EDIL3: variants seen among roughly 807,000 people sequenced by gnomAD.
The protein encoded by EDIL3 is EGF-like repeat and discoidin I-like domain-containing protein 3.
EDIL3 carries 37 observed loss-of-function variants against 67.4 expected under a neutral mutation model. The ratio of observed to expected loss-of-function variants is 0.55; its 90% CI spans 0.42 to 0.72. EDIL3 has a LOEUF of 0.72. Ranked by LOEUF, EDIL3 falls within the 30% of genes least tolerant of loss-of-function variation. The pLI is 0.00. For synonymous variants in EDIL3, 195 were observed against 196.3 expected (o/e 0.99, Z 0.05); for missense variants, 527 against 586.3 (o/e 0.90, Z 1.04).
intron 5 of EDIL3, among the ~76,000 whole-genome samples, chr5:84,133,626 CAAAATAAA>C (rs2112312392): frequency 6.6e-6 from 1 of 151,380 alleles, no homozygotes; most frequent in South Asian, 2.1e-4. Flanking sequence ...GACTCCATCT[CAAAATAAA>C]GAAATAAATA....
intron 3 of EDIL3, among the ~76,000 whole-genome samples, chr5:84,201,546 T>A (rs947157792): frequency 6.6e-6 from 1 of 152,054 alleles, no homozygotes; most frequent in Admixed American, 6.6e-5. Flanking sequence ...ACTGGGTAGT[T>A]GTCATCAATG....
intron 1 of EDIL3, among the ~76,000 whole-genome samples, chr5:84,374,959 C>T (rs1405006389): frequency 6.6e-6 from 1 of 150,528 alleles, no homozygotes. Context: ...TACCCAGTCT[C>T]GGGTATTTCT....
chr5:84,025,538 A>T (rs2112196804), intron 9 of EDIL3, among the ~76,000 whole-genome samples: 1 of 152,290 alleles, frequency 6.6e-6, no homozygotes, highest in East Asian at 1.9e-4. Flanking sequence ...ATAGTGCAAA[A>T]TAAATGTAAT....
chr5:84,171,873 T>G (rs1748817815), intron 4 of EDIL3, among the ~76,000 whole-genome samples: 1 of 152,172 alleles, frequency 6.6e-6, no homozygotes. Context: ...GGCATTGGTA[T>G]TTTTTATAAT....
chr5:84,327,318 C>G (rs2112161875), intron 1 of EDIL3, among the ~76,000 whole-genome samples: 1 of 151,766 alleles, frequency 6.6e-6, no homozygotes, highest in Non-Finnish European at 1.5e-5. Context: ...TGAAACCATT[C>G]TTTTAAAAAA....
At chr5:84,038,812 C>G (rs1213937783) in intron 9 of EDIL3, among the ~76,000 whole-genome samples, 2 of 152,160 alleles carry the variant, frequency 1.3e-5, no homozygotes, top group Non-Finnish European at 2.9e-5. Flanking sequence ...TTTAAAATAA[C>G]AGAGCCACAT....
At chr5:84,252,391 G>A (rs1168503384) in intron 2 of EDIL3, among the ~76,000 whole-genome samples, 1 of 150,534 alleles carries the variant, frequency 6.6e-6, no homozygotes, top group Non-Finnish European at 1.5e-5. Context: ...CTTCTCCGGA[G>A]GCTGAGGCAG....
intron 9 of EDIL3, among the ~76,000 whole-genome samples, chr5:83,994,994 T>C (rs1745212487): frequency 6.6e-6 from 1 of 152,178 alleles, no homozygotes; most frequent in Non-Finnish European, 1.5e-5. Flanking sequence ...ATGTGTGTAG[T>C]GTGTATAAAT....
intron 6 of EDIL3, among the ~76,000 whole-genome samples, chr5:84,101,243 A>AT (rs34638063): frequency 1.3e-5 from 2 of 152,064 alleles, no homozygotes; most frequent in Admixed American, 6.6e-5. Context: ...CTAATTATAT[A>AT]TTTTTTGTAA....
intron 9 of EDIL3, among the ~76,000 whole-genome samples, chr5:83,975,607 C>T (rs1744864841): frequency 6.6e-6 from 1 of 151,748 alleles, no homozygotes; most frequent in Admixed American, 6.6e-5. Flanking sequence ...CTCAAAGCTG[C>T]TGACATTTTA....
At chr5:83,968,503 G>A (rs1477459826) in intron 9 of EDIL3, among the ~76,000 whole-genome samples, 1 of 151,956 alleles carries the variant, frequency 6.6e-6, no homozygotes, top group Non-Finnish European at 1.5e-5. Context: ...TGTTGTATTG[G>A]TGTGTTATGG....
At chr5:84,174,798 T>C (rs1482361132) in intron 4 of EDIL3, among the ~76,000 whole-genome samples, 1 of 152,166 alleles carries the variant, frequency 6.6e-6, no homozygotes, top group Non-Finnish European at 1.5e-5. Context: ...GGAAGAACAA[T>C]CTTTGCAGAG....
At chr5:84,348,665 A>G (rs1747285210) in intron 1 of EDIL3, among the ~76,000 whole-genome samples, 1 of 151,954 alleles carries the variant, frequency 6.6e-6, no homozygotes, top group Non-Finnish European at 1.5e-5. Context: ...GGATTAAAGA[A>G]GCATACACTG....
At chr5:84,319,781 GA>G (rs1746596091) in intron 1 of EDIL3, among the ~76,000 whole-genome samples, 1 of 152,072 alleles carries the variant, frequency 6.6e-6, no homozygotes, top group Non-Finnish European at 1.5e-5. Flanking sequence ...ACTGGATAAA[GA>G]AAATGAGGTA....
At chr5:84,362,692 C>A (rs1042345649) in intron 1 of EDIL3, among the ~76,000 whole-genome samples, 3 of 151,970 alleles carry the variant, frequency 2.0e-5, no homozygotes, top group Non-Finnish European at 4.4e-5. Flanking sequence ...TCTTATTATC[C>A]CCAAATCAAT....
At chr5:84,235,339 G>T (rs1477185508) in intron 2 of EDIL3, among the ~76,000 whole-genome samples, 1 of 152,144 alleles carries the variant, frequency 6.6e-6, no homozygotes, top group African/African-American at 2.4e-5. Flanking sequence ...GTGAGGCACA[G>T]CATTGGATTT....
intron 5 of EDIL3, 28 bp downstream of exon 5, chr5:84,137,213 A>G (rs767777990): frequency 6.5e-7 from 1 of 1,537,060 alleles, no homozygotes; most frequent in Non-Finnish European, 9.0e-7. Flanking sequence ...ACACACACAC[A>G]CACACATACA....
At chr5:84,106,099 C>T (rs772542650) in intron 6 of EDIL3, among the ~76,000 whole-genome samples, 1 of 152,054 alleles carries the variant, frequency 6.6e-6, no homozygotes, top group Non-Finnish European at 1.5e-5. Flanking sequence ...CTTGCTACCC[C>T]CTCTGGGAAA....
intron 9 of EDIL3, among the ~76,000 whole-genome samples, chr5:84,029,606 A>C (rs1745880864): frequency 6.6e-6 from 1 of 152,234 alleles, no homozygotes. Flanking sequence ...GGAGTATTAA[A>C]CTTTCATAAG....
Sources: gnomAD v4.1 joint callset for allele counts (sites outside exome capture counted in the v4.1 genomes callset) on GRCh38, gnomAD v4.1.1 for gene constraint, MANE v1.5 for transcripts, NCBI Gene and HGNC (gene_info 2026-07-23, HGNC 2026-07-21) for gene names.